The following TCERG1L variants were observed in gnomAD, a reference collection of about 807,000 sequenced individuals.
TCERG1L encodes the protein transcription elongation regulator 1-like protein.
Under a neutral mutation model 56.3 loss-of-function variants are expected in TCERG1L, and 37 were observed. The observed-to-expected ratio is 0.66, with a 90% CI of 0.51 to 0.87. TCERG1L has a LOEUF of 0.87. Among genes scored for constraint, TCERG1L ranks in the 40% least tolerant of loss-of-function variants. TCERG1L has a pLI of 0.00. For missense variants in TCERG1L, 799 were observed against 774.2 expected, an observed-to-expected ratio of 1.03 and a Z score of -0.38; for synonymous variants, 324 against 326.3, an observed-to-expected ratio of 0.99 and a Z score of 0.08.
intron 4 of TCERG1L, among the ~76,000 whole-genome samples, chr10:131,240,604 A>G (rs1029396291): frequency 1.3e-5 from 2 of 152,184 alleles, no homozygotes; most frequent in Non-Finnish European, 2.9e-5. Flanking sequence ...TGGAGACGGG[A>G]CAGCACCCGC....
intron 8 of TCERG1L, among the ~76,000 whole-genome samples, chr10:131,122,928 G>C (rs1346095715): frequency 6.6e-6 from 1 of 152,228 alleles, no homozygotes; most frequent in Non-Finnish European, 1.5e-5. Flanking sequence ...ATTGCTGTCA[G>C]AACTTGGGTG....
chr10:131,211,999 A>G (rs1222474979), intron 4 of TCERG1L, among the ~76,000 whole-genome samples: 1 of 152,218 alleles, frequency 6.6e-6, no homozygotes, highest in Non-Finnish European at 1.5e-5. Flanking sequence ...CAGATTAGCA[A>G]GCAAGAATTA....
intron 4 of TCERG1L, among the ~76,000 whole-genome samples, chr10:131,181,055 G>C (rs1046716571): frequency 6.6e-6 from 1 of 152,174 alleles, no homozygotes; most frequent in Admixed American, 6.5e-5. Context: ...GGCAGGGAAG[G>C]GCACAACCCC....
chr10:131,229,662 AC>A (rs1845828641), intron 4 of TCERG1L, among the ~76,000 whole-genome samples: 1 of 152,038 alleles, frequency 6.6e-6, no homozygotes, highest in African/African-American at 2.4e-5. Context: ...TAGAATAGTT[AC>A]CTCCTAGGCA....
At chr10:131,298,818 T>C (rs1485884922) in intron 3 of TCERG1L, among the ~76,000 whole-genome samples, 1 of 152,262 alleles carries the variant, frequency 6.6e-6, no homozygotes, top group Non-Finnish European at 1.5e-5. Flanking sequence ...TACTGTAAAG[T>C]AGACTGTTCT....
chr10:131,130,623 T>G (rs2133401115), intron 8 of TCERG1L, among the ~76,000 whole-genome samples: 1 of 152,260 alleles, frequency 6.6e-6, no homozygotes, highest in Non-Finnish European at 1.5e-5. Context: ...CGCTGAAGAG[T>G]TAACCTGTCA....
rs1846885784 is a variant in TCERG1L, at chr10:131,311,023, T to C, written c.342+271A>G. On this transcript the variant is annotated intron_variant, in intron 1 of 11. Transcript: ENST00000368642. The surrounding 1 kb of genome is among the most constrained non-coding windows in gnomAD (Gnocchi z 4.0). ...CCGGCGTGGCGCGAGTTCCCTGCGG[T>C]CCCCACGCGGGCCTGGGCGGCGGGT... 6.6e-6 allele frequency among the ~76,000 whole-genome samples: 1 copy of C among 152,086 alleles called. No individual in the cohort carries two copies. Among genetic ancestry groups the C allele is most frequent in the Admixed American group, 6.5e-5 (1 of 15,274 alleles).
chr10:131,203,306 C>T (rs1001459361), intron 4 of TCERG1L, among the ~76,000 whole-genome samples: 1 of 44,518 alleles, frequency 2.2e-5, no homozygotes, highest in African/African-American at 7.4e-5. Flanking sequence ...CAGAGTGAGA[C>T]TCCGTCTCAA....
chr10:131,167,602 G>A (rs1589734459), intron 4 of TCERG1L, among the ~76,000 whole-genome samples: 1 of 152,336 alleles, frequency 6.6e-6, no homozygotes, highest in East Asian at 1.9e-4. Context: ...GCCTTGCTGA[G>A]GTTCTGCCAG....
chr10:131,136,259 G>C (rs1475842819), intron 7 of TCERG1L, among the ~76,000 whole-genome samples: 1 of 152,220 alleles, frequency 6.6e-6, no homozygotes, highest in Admixed American at 6.5e-5. Context: ...CAGCCCTCCA[G>C]GCTGGGACCC....
At chr10:131,280,643 T>C (rs1846441286) in intron 3 of TCERG1L, among the ~76,000 whole-genome samples, 2 of 152,120 alleles carry the variant, frequency 1.3e-5, no homozygotes, top group African/African-American at 4.8e-5. Flanking sequence ...GGCCCCAAGA[T>C]TTATTTTCCT....
intron 3 of TCERG1L, among the ~76,000 whole-genome samples, chr10:131,288,344 AAGCAGGTGC>A (rs1846568836): frequency 6.6e-6 from 1 of 152,180 alleles, no homozygotes; most frequent in African/African-American, 2.4e-5. Context: ...ATCTCCTAGT[AAGCAGGTGC>A]TTCCTCTTGA....
intron 4 of TCERG1L, among the ~76,000 whole-genome samples, chr10:131,244,350 T>C (rs867065185): frequency 1.3e-5 from 2 of 152,114 alleles, no homozygotes; most frequent in Non-Finnish European, 2.9e-5. Flanking sequence ...CGTGCTTTCA[T>C]CCGGGGGTTC....
intron 4 of TCERG1L, among the ~76,000 whole-genome samples, chr10:131,213,371 C>A (rs75962274): frequency 0.016 from 2,463 of 152,328 alleles, 66 homozygotes; most frequent in African/African-American, 0.055. Flanking sequence ...AATTCACACA[C>A]AGAAAGGTTT....
intron 4 of TCERG1L, among the ~76,000 whole-genome samples, chr10:131,185,619 C>T (rs974686987): frequency 3.9e-5 from 6 of 152,026 alleles, no homozygotes; most frequent in South Asian, 2.1e-4. Context: ...ACACAAACGG[C>T]GAACAGGCAT....
chr10:131,311,023 T>TC lies in TCERG1L; in HGVS notation c.342+270dup, dbSNP rs1475848036. On this transcript the variant is annotated intron_variant, in intron 1 of 11. Coordinates refer to ENST00000368642, the MANE Select transcript of TCERG1L (RefSeq NM_174937.4). This position sits in a 1 kb window ranked among gnomAD's most constrained non-coding sequence, Gnocchi z 4.0. ...CCGGCGTGGCGCGAGTTCCCTGCGG[T>TC]CCCCACGCGGGCCTGGGCGGCGGGT... is the stretch of plus-strand genomic sequence containing the variant. Among the ~76,000 whole-genome samples the TC allele has an allele frequency of 6.6e-6, 1 of 152,086 alleles. No individual in the cohort carries two copies. Among genetic ancestry groups the TC allele is most frequent in the East Asian group, 1.9e-4 (1 of 5,170 alleles).
intron 10 of TCERG1L, 100 bp downstream of exon 10, chr10:131,104,165 G>T: frequency 1.2e-6 from 1 of 800,352 alleles, no homozygotes; most frequent in Non-Finnish European, 2.0e-6. Context: ...TTACAACATG[G>T]GTGTCTGTTA....
chr10:131,182,631 T>C lies in TCERG1L; in HGVS notation c.857-15746A>G, dbSNP rs1047425485. Among the ~76,000 whole-genome samples, 6 of 152,226 alleles carry C rather than the reference T, an allele frequency of 3.9e-5. No homozygotes were observed. In the South Asian group the frequency reaches 6.2e-4, roughly 16 times the overall value. On this transcript the variant is annotated intron_variant, in intron 4 of 11. Transcript: ENST00000368642. Reference sequence around the variant, plus strand: ...GGATCCCTCTGCCGTGTGGTTATGGTAGCCTGTGATTTATATACACCCTGC... The same window carrying C: ...GGATCCCTCTGCCGTGTGGTTATGGCAGCCTGTGATTTATATACACCCTGC...
At position 131,191,036 on chromosome 10, in the gene TCERG1L, C is replaced by A. The variant is rs574502135; in HGVS notation, c.857-24151G>T. The stretch of plus-strand genomic sequence containing the variant: ...TCAGTAAAGTCTCAGGTTGTAAAAT[C>A]AATGTACACAAATCAGTAGCACTGC... On this transcript the variant is annotated intron_variant, in intron 4 of 11. Transcript: ENST00000368642. Among the ~76,000 whole-genome samples, 18 of 144,294 alleles carry A rather than the reference C, an allele frequency of 1.2e-4. 2 individuals are homozygous for A. Among genetic ancestry groups the A allele is most frequent in the Admixed American group, 8.3e-4 (12 of 14,508 alleles). The allele number at this position is 144,294 out of a possible 152,430, so 94.7% of individuals were successfully genotyped here.
Sources: gnomAD v4.1 joint callset for allele counts (sites outside exome capture counted in the v4.1 genomes callset) on GRCh38, gnomAD v4.1.1 for gene constraint, Gnocchi (gnomAD v3.1) non-coding constraint, MANE v1.5 for transcripts, NCBI Gene and HGNC (gene_info 2026-07-23, HGNC 2026-07-21) for gene names.